LINGO2: variants seen among roughly 807,000 people sequenced by gnomAD.
The protein encoded by LINGO2 is leucine-rich repeat and immunoglobulin-like domain-containing nogo receptor-interacting protein 2.
Under a neutral mutation model 30.6 loss-of-function variants are expected in LINGO2, and 14 were observed. The ratio of observed to expected loss-of-function variants is 0.46; its 90% CI spans 0.30 to 0.72. LINGO2 has a LOEUF of 0.72. Ranked by LOEUF, LINGO2 falls within the 30% of genes least tolerant of loss-of-function variation. The pLI is 0.07. For synonymous variants in LINGO2, 317 were observed against 288.5 expected, an observed-to-expected ratio of 1.10 and a Z score of -1.00; for missense variants, 729 against 751.7, an observed-to-expected ratio of 0.97 and a Z score of 0.35.
chr9:28,291,751 C>CAG (rs1239217621), intron 4 of LINGO2, among the ~76,000 whole-genome samples: 3 of 151,906 alleles, frequency 2.0e-5, no homozygotes, highest in Admixed American at 2.0e-4. Context: ...TCAGATGATG[C>CAG]AGAGAGAGAG....
intron 4 of LINGO2, among the ~76,000 whole-genome samples, chr9:28,289,791 A>C (rs1443580180): frequency 6.6e-6 from 1 of 152,154 alleles, no homozygotes; most frequent in Non-Finnish European, 1.5e-5. Flanking sequence ...TTCTCTCTCC[A>C]GTCTCTCCCT....
chr9:29,125,088 G>A, the LINGO2 span, among the ~76,000 whole-genome samples: 1 of 152,080 alleles, frequency 6.6e-6, no homozygotes, highest in Non-Finnish European at 1.5e-5. Context: ...CCATAAAAAA[G>A]AATGAGTTCA....
chr9:29,056,438 G>C, the LINGO2 span, among the ~76,000 whole-genome samples: 1 of 151,802 alleles, frequency 6.6e-6, no homozygotes, highest in Non-Finnish European at 1.5e-5. Context: ...CTTTTGGATG[G>C]GATTATTTTT....
chr9:28,471,798 CA>C (rs1016866206), intron 2 of LINGO2, among the ~76,000 whole-genome samples: 26 of 152,092 alleles, frequency 1.7e-4, no homozygotes, highest in African/African-American at 6.3e-4. Context: ...CACAATTGTA[CA>C]GCAAGAGAAA....
the LINGO2 span, among the ~76,000 whole-genome samples, chr9:29,044,289 T>C: frequency 1.3e-5 from 2 of 152,030 alleles, no homozygotes; most frequent in Admixed American, 1.3e-4. Flanking sequence ...AGGCATATGG[T>C]ACAGGCATAA....
chr9:28,322,570 T>C (rs111490351), intron 3 of LINGO2, among the ~76,000 whole-genome samples: 3,010 of 152,238 alleles, frequency 0.02, 106 homozygotes, highest in African/African-American at 0.069. Context: ...TAATAAAAAT[T>C]AAGGAACTTG....
intron 2 of LINGO2, among the ~76,000 whole-genome samples, chr9:28,431,607 A>C (rs16913062): frequency 0.036 from 5,529 of 152,278 alleles, 345 homozygotes; most frequent in African/African-American, 0.12. Context: ...CTCATGTATA[A>C]GTCTGGAAAG....
In LINGO2 at chr9:28,569,182, G is replaced by A. The variant is rs140743758; in HGVS notation, c.-364-93157C>T. On this transcript the variant is annotated intron_variant, in intron 1 of 5. Coordinates refer to ENST00000379992, the Ensembl canonical transcript of LINGO2. ...ACTGAAAAAGTAAACTTTGTACACT[G>A]TTGGTGGGAAAGTAAATTAGTACTG... 5.4e-3 allele frequency among the ~76,000 whole-genome samples: 826 copies of A among 152,064 alleles called. 16 individuals are homozygous for A. The highest frequency in any genetic ancestry group is 0.019 in the African/African-American group (772 of 41,552).
intron 2 of LINGO2, among the ~76,000 whole-genome samples, chr9:28,454,786 A>AT (rs1824783685): frequency 6.6e-6 from 1 of 151,934 alleles, no homozygotes; most frequent in South Asian, 2.1e-4. Flanking sequence ...TAGAAAATGG[A>AT]TTTTTCCCTC....
chr9:28,551,255 G>A (rs781134986), intron 1 of LINGO2, among the ~76,000 whole-genome samples: 2 of 151,768 alleles, frequency 1.3e-5, no homozygotes, highest in Non-Finnish European at 2.9e-5. Context: ...TAAAACCAGA[G>A]ACTGCCACAG....
At chr9:28,043,243 A>C (rs1824272234) in intron 4 of LINGO2, among the ~76,000 whole-genome samples, 1 of 152,190 alleles carries the variant, frequency 6.6e-6, no homozygotes, top group Non-Finnish European at 1.5e-5. Context: ...CACATGATAA[A>C]ACTGCGGTAA....
intron 4 of LINGO2, among the ~76,000 whole-genome samples, chr9:28,168,266 T>C (rs1391706648): frequency 1.3e-5 from 2 of 152,234 alleles, no homozygotes; most frequent in African/African-American, 4.8e-5. Flanking sequence ...CCATGGTTTC[T>C]ATTTTATTTT....
the LINGO2 span, among the ~76,000 whole-genome samples, chr9:28,902,619 T>A: frequency 6.6e-6 from 1 of 152,116 alleles, no homozygotes; most frequent in Non-Finnish European, 1.5e-5. Flanking sequence ...TTCTTCAGCA[T>A]AGATAATACA....
At chr9:28,804,774 C>T in the LINGO2 span, among the ~76,000 whole-genome samples, 1 of 152,064 alleles carries the variant, frequency 6.6e-6, no homozygotes, top group Non-Finnish European at 1.5e-5. Context: ...AATCATGGCA[C>T]AGCTGGAACC....
intron 4 of LINGO2, among the ~76,000 whole-genome samples, chr9:28,109,588 C>G (rs1826708852): frequency 1.3e-5 from 2 of 152,148 alleles, no homozygotes; most frequent in South Asian, 4.1e-4. Context: ...ACAAGCATTC[C>G]TATACACCAA....
At chr9:29,204,344 T>C in the LINGO2 span, among the ~76,000 whole-genome samples, 2 of 152,348 alleles carry the variant, frequency 1.3e-5, no homozygotes, top group East Asian at 3.9e-4. Context: ...ATTTCTTATA[T>C]GCACATAACA....
At chr9:28,769,782 C>T in the LINGO2 span, among the ~76,000 whole-genome samples, 2 of 150,762 alleles carry the variant, frequency 1.3e-5, no homozygotes, top group Admixed American at 1.3e-4. Flanking sequence ...CTTTTCTGAC[C>T]TGCAATCTTT....
upstream of LINGO2, among the ~76,000 whole-genome samples, chr9:28,674,540 T>C (rs1397892314): frequency 6.6e-6 from 1 of 152,116 alleles, no homozygotes; most frequent in Admixed American, 6.6e-5. Flanking sequence ...AGGTACACAT[T>C]TTTTACCATT....
the LINGO2 span, among the ~76,000 whole-genome samples, chr9:28,708,593 G>A: frequency 6.6e-6 from 1 of 152,064 alleles, no homozygotes; most frequent in South Asian, 2.1e-4. Context: ...GTAAGAACAG[G>A]ATGAACAGTT....
Sources: allele counts gnomAD v4.1 joint callset (sites outside exome capture counted in the v4.1 genomes callset), GRCh38; gene constraint gnomAD v4.1.1; transcripts MANE v1.5; gene names NCBI Gene and HGNC (gene_info 2026-07-23, HGNC 2026-07-21).